SORCS2: variants seen among roughly 807,000 people sequenced by gnomAD.
SORCS2 encodes sortilin related VPS10 domain containing receptor 2.
SORCS2 carries 100 observed loss-of-function variants against 141.6 expected under a neutral mutation model. The observed-to-expected ratio is 0.71, with a 90% CI of 0.60 to 0.83. The LOEUF (loss-of-function observed/expected upper bound fraction) is 0.83. Among genes scored for constraint, SORCS2 ranks in the 40% least tolerant of loss-of-function variants. The pLI, the probability that SORCS2 is intolerant of heterozygous loss-of-function variation, is 0.00. For synonymous variants in SORCS2, 789 were observed against 676.9 expected, an observed-to-expected ratio of 1.17 and a Z score of -2.57; for missense variants, 1,646 against 1,560.2, an observed-to-expected ratio of 1.05 and a Z score of -0.93.
At chr4:7,444,661 G>A (rs557428293) in intron 2 of SORCS2, among the ~76,000 whole-genome samples, 5 of 152,284 alleles carry the variant, frequency 3.3e-5, no homozygotes, top group African/African-American at 1.2e-4. Flanking sequence ...TTGAGCAGAG[G>A]GCTGACATGA....
At chr4:7,562,444 G>A (rs554445136) in intron 3 of SORCS2, among the ~76,000 whole-genome samples, 1 of 152,308 alleles carries the variant, frequency 6.6e-6, no homozygotes. Flanking sequence ...CGCTGGGATA[G>A]TGATAGGGAG....
At chr4:7,595,185 C>T (rs1467248826) in intron 3 of SORCS2, among the ~76,000 whole-genome samples, 1 of 152,148 alleles carries the variant, frequency 6.6e-6, no homozygotes. Flanking sequence ...AGTTTCCTTG[C>T]TATTACCGGT....
chr4:7,625,330 ATTGT>A (rs1719448387), intron 3 of SORCS2, among the ~76,000 whole-genome samples: 1 of 151,890 alleles, frequency 6.6e-6, no homozygotes, highest in Non-Finnish European at 1.5e-5. Context: ...TGGCTCACAA[ATTGT>A]TTGGTCTTGA....
chr4:7,410,658 C>A (rs1044339341), intron 2 of SORCS2, among the ~76,000 whole-genome samples: 3 of 152,180 alleles, frequency 2.0e-5, no homozygotes, highest in African/African-American at 7.2e-5. Flanking sequence ...CCAGGCCAGT[C>A]TCCCTCAGTG....
intron 3 of SORCS2, among the ~76,000 whole-genome samples, chr4:7,595,985 G>A (rs11933482): frequency 0.26 from 39,384 of 152,034 alleles, 5,331 homozygotes; most frequent in Non-Finnish European, 0.31. Flanking sequence ...TCCCCAGCCT[G>A]CATTCCTGCC....
chr4:7,489,233 C>A (rs1463972629), intron 2 of SORCS2, among the ~76,000 whole-genome samples: 2 of 152,190 alleles, frequency 1.3e-5, no homozygotes, highest in Non-Finnish European at 2.9e-5. Flanking sequence ...GAAGCTGGAA[C>A]TGGTTGCCTA....
chr4:7,297,677 C>A (rs1449495062), intron 1 of SORCS2, among the ~76,000 whole-genome samples: 1 of 152,200 alleles, frequency 6.6e-6, no homozygotes, highest in East Asian at 1.9e-4. Flanking sequence ...CTATGGTTCC[C>A]AACCTGAGAC....
intron 1 of SORCS2, among the ~76,000 whole-genome samples, chr4:7,323,029 G>T (rs994543082): frequency 6.6e-6 from 1 of 152,116 alleles, no homozygotes; most frequent in Non-Finnish European, 1.5e-5. Context: ...CCCTCAATGG[G>T]TGTTATCACA....
In SORCS2 at chr4:7,378,688, C is replaced by A. The variant is rs141877033; in HGVS notation, c.481-17600C>A. On this transcript the variant is annotated intron_variant, in intron 1 of 26. Transcript: ENST00000507866. Reference sequence around the variant, plus strand: ...CACAGAGCCCAACCATAGCAGGTTCCTCCCCCCCACACTGCTACCAGAACA... The same window carrying A: ...CACAGAGCCCAACCATAGCAGGTTCATCCCCCCCACACTGCTACCAGAACA... 3.7e-3 allele frequency among the ~76,000 whole-genome samples: 559 copies of A among 152,264 alleles called. 3 individuals are homozygous for A. The highest frequency in any genetic ancestry group is 6.4e-3 in the Non-Finnish European group (438 of 68,020).
intron 3 of SORCS2, among the ~76,000 whole-genome samples, chr4:7,635,010 T>C (rs1720151082): frequency 6.6e-6 from 1 of 152,302 alleles, no homozygotes; most frequent in Non-Finnish European, 1.5e-5. Context: ...AGATGTACTG[T>C]GGTGTCCTGG....
intron 3 of SORCS2, among the ~76,000 whole-genome samples, chr4:7,593,502 C>T (rs1477252269): frequency 6.6e-6 from 1 of 152,198 alleles, no homozygotes; most frequent in Non-Finnish European, 1.5e-5. Context: ...GGATGTCCTG[C>T]TCCCCTTCCA....
At chr4:7,200,056 G>T (rs556073537) in intron 1 of SORCS2, among the ~76,000 whole-genome samples, 3 of 152,246 alleles carry the variant, frequency 2.0e-5, no homozygotes, top group African/African-American at 7.2e-5. Flanking sequence ...GTTGCCCCGC[G>T]TGCAGGGCAG....
At chr4:7,242,995 G>T (rs1339624992) in intron 1 of SORCS2, among the ~76,000 whole-genome samples, 1 of 152,206 alleles carries the variant, frequency 6.6e-6, no homozygotes, top group Non-Finnish European at 1.5e-5. Flanking sequence ...GTTTCCAGAG[G>T]ACGGTCAGCC....
At chr4:7,421,282 G>T (rs1277404956) in intron 2 of SORCS2, among the ~76,000 whole-genome samples, 2 of 152,222 alleles carry the variant, frequency 1.3e-5, no homozygotes, top group African/African-American at 2.4e-5. Context: ...AGCTTCTCCT[G>T]TGTCTCCTCT....
chr4:7,555,106 G>C (rs570334912), intron 3 of SORCS2, among the ~76,000 whole-genome samples: 1 of 152,274 alleles, frequency 6.6e-6, no homozygotes, highest in African/African-American at 2.4e-5. Context: ...CTGGAGTTCA[G>C]GTCTAACCTA....
chr4:7,708,075 G>C (rs1725585483), intron 14 of SORCS2, among the ~76,000 whole-genome samples: 1 of 152,214 alleles, frequency 6.6e-6, no homozygotes, highest in Non-Finnish European at 1.5e-5. Flanking sequence ...CAGAACGTCT[G>C]TGCCCAGGAA....
chr4:7,291,786 CAT>C (rs1412698274), intron 1 of SORCS2, among the ~76,000 whole-genome samples: 2 of 152,208 alleles, frequency 1.3e-5, no homozygotes, highest in African/African-American at 4.8e-5. Context: ...CCAGAGAATT[CAT>C]CTTTATGGAC....
At chr4:7,260,619 C>T (rs183394194) in intron 1 of SORCS2, among the ~76,000 whole-genome samples, 13 of 152,234 alleles carry the variant, frequency 8.5e-5, no homozygotes, top group Admixed American at 1.3e-4. Context: ...AATATGGGAA[C>T]GTAAACCAGG....
chr4:7,594,409 C>T (rs1014029411), intron 3 of SORCS2, among the ~76,000 whole-genome samples: 11 of 152,370 alleles, frequency 7.2e-5, no homozygotes, highest in African/African-American at 2.6e-4. Context: ...ACACACATAG[C>T]CAGCAGGCAG....
Sources: allele counts gnomAD v4.1 joint callset (sites outside exome capture counted in the v4.1 genomes callset), GRCh38; gene constraint gnomAD v4.1.1; transcripts MANE v1.5; gene names NCBI Gene and HGNC (gene_info 2026-07-23, HGNC 2026-07-21).